The following ZNF302 variants were observed in gnomAD, a reference collection of about 807,000 sequenced individuals.
The protein encoded by ZNF302 is zinc finger protein 302.
Under a neutral mutation model 10.8 loss-of-function variants are expected in ZNF302, and 12 were observed. That is an observed-to-expected ratio of 1.11 (90% confidence interval 0.71 to 1.79). ZNF302 has a LOEUF of 1.79. Ranked by LOEUF, ZNF302 falls within the 40% of genes most tolerant of loss-of-function variation. The probability of loss-of-function intolerance (pLI) is 0.00; values close to 1 mark genes in which losing one functional copy is unlikely to be tolerated. For synonymous variants in ZNF302, 178 were observed against 157.5 expected (o/e 1.13, Z -0.98); for missense variants, 461 against 471.1 (o/e 0.98, Z 0.20).
At chr19:34,680,711 A>G (rs2068298392) in intron 2 of ZNF302, among the ~76,000 whole-genome samples, 1 of 152,246 alleles carries the variant, frequency 6.6e-6, no homozygotes, top group Non-Finnish European at 1.5e-5. Flanking sequence ...CTGGTTTGTC[A>G]AAGATATGAG....
chr19:34,684,394 A>G lies in ZNF302; in HGVS notation c.357A>G (p.Thr119=), dbSNP rs2068537266. The G allele has an allele frequency of 1.9e-6, 3 of 1,610,312 alleles. No individual in the cohort carries two copies. Among genetic ancestry groups the G allele is most frequent in the Admixed American group, 1.7e-5 (1 of 59,306 alleles). ...FSNSNKNLEY[T]ECDTFRSTFH... Reference sequence around the variant, plus strand: ...ATTCTAATAAGAATTTGGAATATACAGAATGCGACACATTTAGAAGCACCT... The same window carrying G: ...ATTCTAATAAGAATTTGGAATATACGGAATGCGACACATTTAGAAGCACCT... The change falls in exon 5 of 5, where the codon ACA becomes ACG. Residue 119 remains threonine, a synonymous_variant. Coordinates refer to ENST00000505242, the MANE Select transcript of ZNF302 (RefSeq NM_001289187.2).
chr19:34,677,388 AAGTAG>A (rs1413267271), upstream of ZNF302: 1 of 152,102 alleles, frequency 6.6e-6, no homozygotes, highest in Non-Finnish European at 1.5e-5. Context: ...TGGCCCTTAT[AAGTAG>A]AGGGTGTCCC....
chr19:34,684,321 A>G lies in ZNF302; in HGVS notation c.284A>G (p.Gln95Arg), dbSNP rs776418986. 2 of 1,593,878 alleles carry G rather than the reference A, an allele frequency of 1.3e-6. No individual in the cohort carries two copies. Among genetic ancestry groups the G allele is most frequent in the Middle Eastern group, 1.7e-4 (1 of 5,952 alleles). The change falls in exon 5 of 5, where the codon CAA (glutamine) becomes CGA (arginine). Residue 95 changes from glutamine (Q) to arginine (R), a missense_variant. By Grantham distance (43) the Gln-to-Arg change is conservative. Coordinates refer to ENST00000505242, the MANE Select transcript of ZNF302 (RefSeq NM_001289187.2). ...KKDIYDEDSPQPVTMEKVVKQ... is the reference protein window; with the variant it reads ...KKDIYDEDSPRPVTMEKVVKQ... ...GATATTTATGATGAAGATTCACCCCAACCAGTAACAATGGAAAAAGTTGTA... is the reference window on the plus strand; with the variant it reads ...GATATTTATGATGAAGATTCACCCCGACCAGTAACAATGGAAAAAGTTGTA...
At chr19:34,683,002 C>G in intron 3 of ZNF302, 105 bp downstream of exon 3, 1 of 1,575,244 alleles carries the variant, frequency 6.3e-7, no homozygotes, top group South Asian at 1.2e-5. Context: ...GTACCATGCT[C>G]CCGAGGAAAT....
chr19:34,681,256 A>G (rs1044784022), intron 2 of ZNF302: 5 of 152,282 alleles, frequency 3.3e-5, no homozygotes, highest in African/African-American at 1.2e-4. Context: ...CTTTTTGCAC[A>G]TATTATAATT....
chr19:34,679,957 G>T, intron 2 of ZNF302: 1 of 702,742 alleles, frequency 1.4e-6, no homozygotes, highest in Non-Finnish European at 2.6e-6. Context: ...CACAGGAGGG[G>T]ATGTAAGTAG....
intron 2 of ZNF302, among the ~76,000 whole-genome samples, chr19:34,679,220 G>A (rs576275595): frequency 2.4e-4 from 37 of 152,052 alleles, no homozygotes; most frequent in Non-Finnish European, 4.6e-4. Flanking sequence ...ACGATACACC[G>A]TATACAGCAT....
At chr19:34,680,277 T>G (rs1450902316) in intron 2 of ZNF302, among the ~76,000 whole-genome samples, 2 of 152,186 alleles carry the variant, frequency 1.3e-5, no homozygotes, top group African/African-American at 2.4e-5. Context: ...GGAAGAGTTG[T>G]ACATGGATTT....
At position 34,678,123 on chromosome 19, in the gene ZNF302, C is replaced by G. The variant is rs1338356267; in HGVS notation, c.-69+20C>G. ...AAATGGGTTCAGTATCTCGGAATTTCAGTTTTGTCTTCATTTTAAAAAATA... is the reference window on the plus strand; with the variant it reads ...AAATGGGTTCAGTATCTCGGAATTTGAGTTTTGTCTTCATTTTAAAAAATA... On this transcript the variant is annotated intron_variant, in intron 1 of 4. Transcript: ENST00000505242. 6.6e-6 allele frequency: 1 copy of G among 152,216 alleles called. No individual in the cohort carries two copies. Among genetic ancestry groups the G allele is most frequent in the African/African-American group, 2.4e-5 (1 of 41,454 alleles). The allele number at this position is 152,216 out of a possible 1,614,324, so 9.4% of individuals were successfully genotyped here.
chr19:34,684,938 A>G lies in ZNF302; in HGVS notation c.901A>G (p.Ile301Val), dbSNP rs374079192. Residue 301 changes from isoleucine (I) to valine (V), a missense_variant, in exon 5 of 5, where the codon ATT becomes GTT. By Grantham distance (29) the Ile-to-Val change is conservative. Transcript: ENST00000505242. ...GTCTTTTAGTCGTGTGTCCCTTCTCATTCAGCATCTAAGAATTCATACGCA... is the reference window on the plus strand; with the variant it reads ...GTCTTTTAGTCGTGTGTCCCTTCTCGTTCAGCATCTAAGAATTCATACGCA... ...GKSFSRVSLL[I>V]QHLRIHTQEK... is the part of the protein sequence containing the mutation. The G allele has an allele frequency of 6.2e-7, 1 of 1,614,024 alleles. No homozygotes were observed. The highest frequency in any genetic ancestry group is 8.5e-7 in the Non-Finnish European group (1 of 1,179,920).
chr19:34,676,817 C>T (rs1419412326), upstream of ZNF302: 1 of 152,070 alleles, frequency 6.6e-6, no homozygotes, highest in Non-Finnish European at 1.5e-5. Flanking sequence ...AAGTAAACAA[C>T]CCAAATATAC....
chr19:34,680,236 C>T (rs1278798659), intron 2 of ZNF302, among the ~76,000 whole-genome samples: 1 of 152,174 alleles, frequency 6.6e-6, no homozygotes, highest in Non-Finnish European at 1.5e-5. Flanking sequence ...TTCATTGGTT[C>T]ATCTTCTAAA....
Position 34,678,791 on chromosome 19 carries a change from G to T in ZNF302, c.-14G>T. 6.2e-7 allele frequency: 1 copy of T among 1,613,896 alleles called. No individual in the cohort carries two copies. Among genetic ancestry groups the T allele is most frequent in the Non-Finnish European group, 8.5e-7 (1 of 1,179,796 alleles). ...GGAAAGGGGACTCTGTTGGCCATTG[G>T]AAATTGCAGAATAATGTCTCAGGTA... On this transcript the variant is annotated 5_prime_UTR_variant, in exon 2 of 5. Transcript: ENST00000505242.
At position 34,685,115 on chromosome 19, in the gene ZNF302, C is replaced by T; in HGVS notation, c.1078C>T (p.Gln360Ter). The T allele has an allele frequency of 6.2e-7, 1 of 1,612,436 alleles. No individual in the cohort carries two copies. The highest frequency in any genetic ancestry group is 8.5e-7 in the Non-Finnish European group (1 of 1,179,520). The change falls in exon 5 of 5, where the codon CAA becomes TAA. Residue 360 changes from glutamine (Q) to a stop codon, truncating the protein, a stop_gained. Coordinates refer to ENST00000505242, the MANE Select transcript of ZNF302 (RefSeq NM_001289187.2). LOFTEE classifies it low-confidence loss of function (END_TRUNC). ...FCCSSHLTQH[Q>*]RIHSMKKKYE... Reference sequence around the variant, plus strand: ...CTGTAGCTCACACCTTACTCAACATCAAAGAATTCACAGTATGAAGAAAAA... The same window carrying T: ...CTGTAGCTCACACCTTACTCAACATTAAAGAATTCACAGTATGAAGAAAAA...
chr19:34,676,047 T>G (rs890175841), upstream of ZNF302: 2 of 152,256 alleles, frequency 1.3e-5, no homozygotes. Context: ...CCGCTGGTTG[T>G]TCGGGTGGCC....
At chr19:34,677,396 GGTGTCCCTTGGTTTCGA>G (rs1205117859), upstream of ZNF302, 1 of 152,148 alleles carries the variant, frequency 6.6e-6, no homozygotes, top group Non-Finnish European at 1.5e-5. Flanking sequence ...ATAAGTAGAG[GGTGTCCCTTGGTTTCGA>G]GTTGTATCGT....
Position 34,684,513 on chromosome 19 carries a change from A to T in ZNF302, c.476A>T (p.Lys159Met). ...ATATTAAAGAAGAATTTATCAAAAA[A>T]GTCAGTTATAAAAAGTGAGAGAATA... ...YDILKKNLSK[K>M]SVIKSERING... is the part of the protein sequence containing the mutation. The change falls in exon 5 of 5, where the codon AAG becomes ATG. Residue 159 changes from lysine to methionine, a missense_variant. Coordinates refer to ENST00000505242, the MANE Select transcript of ZNF302 (RefSeq NM_001289187.2). 1 of 1,612,342 alleles carries T rather than the reference A, an allele frequency of 6.2e-7. No homozygotes were observed. Among genetic ancestry groups the T allele is most frequent in the Non-Finnish European group, 8.5e-7 (1 of 1,179,208 alleles).
In ZNF302 at chr19:34,678,015, G is replaced by A. The variant is rs2068064823; in HGVS notation, c.-157G>A. ...CTTGGCACTGTTGTGAGAGCGAAGT[G>A]GGCGCGAGAGCAGACGCCAGCTACA... On this transcript the variant is annotated 5_prime_UTR_variant, in exon 1 of 5. Coordinates refer to ENST00000505242, the MANE Select transcript of ZNF302 (RefSeq NM_001289187.2). 6.6e-6 allele frequency: 1 copy of A among 151,402 alleles called. No individual in the cohort carries two copies. Among genetic ancestry groups the A allele is most frequent in the East Asian group, 1.9e-4 (1 of 5,186 alleles). The allele number at this position is 151,402 out of a possible 1,614,324, so 9.4% of individuals were successfully genotyped here. A position where few individuals can be genotyped will look rare whatever the true frequency, so the allele number is the denominator to read the frequency against.
chr19:34,685,590 T>C lies in ZNF302; in HGVS notation c.*353T>C. On this transcript the variant is annotated 3_prime_UTR_variant, in exon 5 of 5. Coordinates refer to ENST00000505242, the MANE Select transcript of ZNF302 (RefSeq NM_001289187.2). ...AGTGTGGTAAGTGTGGAAAAGCCTT[T>C]AGATCATATGAATCCCTATACATGT... 5.2e-6 allele frequency: 7 copies of C among 1,348,448 alleles called. No individual in the cohort carries two copies. The highest frequency in any genetic ancestry group is 7.4e-6 in the Non-Finnish European group (7 of 941,386). 83.5% of individuals were successfully genotyped at this position (1,348,448 alleles called of 1,614,324 possible). A position where few individuals can be genotyped will look rare whatever the true frequency, so the allele number is the denominator to read the frequency against.
Sources: allele counts gnomAD v4.1 joint callset (sites outside exome capture counted in the v4.1 genomes callset), GRCh38; gene constraint gnomAD v4.1.1; transcripts MANE v1.5; gene names NCBI Gene and HGNC (gene_info 2026-07-23, HGNC 2026-07-21).